Variants in GAD1 observed in about 807,000 individuals in gnomAD.
The protein encoded by GAD1 is 67 kDa glutamic acid decarboxylase.
In GAD1, 35 loss-of-function variants were observed where a neutral mutation model predicts 75.2. The ratio of observed to expected loss-of-function variants is 0.47; its 90% CI spans 0.36 to 0.62. The LOEUF is 0.62. Among genes scored for constraint, GAD1 ranks in the 20% least tolerant of loss-of-function variants. The pLI is 0.00. For synonymous variants in GAD1, 257 were observed against 271.9 expected, an observed-to-expected ratio of 0.95 and a Z score of 0.54; for missense variants, 490 against 758.5, an observed-to-expected ratio of 0.65 and a Z score of 4.16.
chr2:170,828,287 G>GCTT (rs1559271964), intron 3 of GAD1, among the ~76,000 whole-genome samples: 1 of 107,810 alleles, frequency 9.3e-6, no homozygotes, highest in East Asian at 2.9e-4. Context: ...TCCCTCTGCT[G>GCTT]TCCTCACCCT....
At chr2:170,828,179 CTCTCTGCTGTCCTCA>C (rs1702079418) in intron 3 of GAD1, among the ~76,000 whole-genome samples, 1 of 77,792 alleles carries the variant, frequency 1.3e-5, no homozygotes, top group Non-Finnish European at 3.2e-5. Context: ...TCGCCCTCCT[CTCTCTGCTGTCCTCA>C]CCTCTCCTCT....
chr2:170,834,590 T>G (rs1046702547), intron 5 of GAD1, among the ~76,000 whole-genome samples: 1 of 152,190 alleles, frequency 6.6e-6, no homozygotes, highest in Non-Finnish European at 1.5e-5. Context: ...TTTTAAAACT[T>G]TTTCTTATGG....
chr2:170,844,241 C>A (rs756348605), intron 7 of GAD1, 84 bp downstream of exon 7: 2 of 820,860 alleles, frequency 2.4e-6, no homozygotes, highest in African/African-American at 1.7e-5. Flanking sequence ...AAGAATAATG[C>A]CTTAACATTT....
At chr2:170,844,255 T>C in intron 7 of GAD1, 98 bp downstream of exon 7, 2 of 760,952 alleles carry the variant, frequency 2.6e-6, no homozygotes, top group Non-Finnish European at 4.7e-6. Context: ...AACATTTTTT[T>C]TGGATACCCT....
rs1701762122 is a variant in GAD1, at chr2:170,818,191, C to A, written c.-63-338C>A. On this transcript the variant is annotated intron_variant, in intron 1 of 16. Transcript: ENST00000358196. This position sits in a 1 kb window ranked among gnomAD's most constrained non-coding sequence, Gnocchi z 5.9. ...GCTCCCCTGTGCTCCTAGCCTAGTC[C>A]CCCACACCCTTGCGTCTTGTACTGG... The A allele has an allele frequency of 7.7e-6, 2 of 260,000 alleles. No homozygotes were observed. Among genetic ancestry groups the A allele is most frequent in the Non-Finnish European group, 1.5e-5 (2 of 131,968 alleles). The allele number at this position is 260,000 out of a possible 1,614,324, so 16.1% of individuals were successfully genotyped here.
chr2:170,831,251 C>T (rs1452594146), intron 5 of GAD1, 59 bp downstream of exon 5: 4 of 1,581,860 alleles, frequency 2.5e-6, no homozygotes, highest in Non-Finnish European at 3.5e-6. Context: ...CTCACCCTTG[C>T]CAGTTGTGAG....
chr2:170,841,965 A>C (rs1181015072), intron 6 of GAD1, among the ~76,000 whole-genome samples: 1 of 152,232 alleles, frequency 6.6e-6, no homozygotes, highest in Non-Finnish European at 1.5e-5. Context: ...GGCAGAGAAT[A>C]GCCACTCAGT....
chr2:170,858,455 A>G (rs1201095160), intron 15 of GAD1, among the ~76,000 whole-genome samples: 1 of 152,246 alleles, frequency 6.6e-6, no homozygotes. Flanking sequence ...TCCATAAACT[A>G]TGTTTCAATT....
chr2:170,829,153 AT>A (rs1702152444), intron 3 of GAD1: 3 of 403,478 alleles, frequency 7.4e-6, no homozygotes, highest in Non-Finnish European at 1.4e-5. Context: ...TTAAAGCCCT[AT>A]CCTGGGGCTG....
chr2:170,849,690 T>TATCAATCA (rs769413776), intron 12 of GAD1, among the ~76,000 whole-genome samples: 1 of 152,116 alleles, frequency 6.6e-6, no homozygotes, highest in Non-Finnish European at 1.5e-5. Context: ...CTCTAATAGC[T>TATCAATCA]ATCAATCAAT....
intron 3 of GAD1, among the ~76,000 whole-genome samples, chr2:170,827,902 G>A (rs921181843): frequency 4.6e-5 from 7 of 152,106 alleles, no homozygotes; most frequent in African/African-American, 7.2e-5. Flanking sequence ...TCAAGGAGAG[G>A]GGGTGGTGCA....
In GAD1 at chr2:170,853,821, C is replaced by T. The variant is rs1575446060; in HGVS notation, c.1264-52C>T. ...CCAAGCAGCCTAGTTTTAAAGCCAC[C>T]CACATCTCTGATGTGTAAATGCAGA... On this transcript the variant is annotated intron_variant, in intron 13 of 16. Transcript: ENST00000358196. The surrounding 1 kb of genome is among the most constrained non-coding windows in gnomAD (Gnocchi z 4.1). 3.8e-6 allele frequency: 6 copies of T among 1,595,244 alleles called. No individual in the cohort carries two copies. The East Asian group carries it at 1.3e-4, about 36-fold the overall frequency.
intron 6 of GAD1, among the ~76,000 whole-genome samples, chr2:170,840,018 C>T (rs950922811): frequency 2.0e-4 from 30 of 152,274 alleles, no homozygotes; most frequent in African/African-American, 7.2e-4. Flanking sequence ...GTAAGCAGTT[C>T]TCGTTTGTCA....
At chr2:170,852,680 T>G in intron 12 of GAD1, 34 bp from the exon 13 acceptor site, 1 of 1,591,614 alleles carries the variant, frequency 6.3e-7, no homozygotes, top group Non-Finnish European at 8.6e-7. Flanking sequence ...TTCCAACTCC[T>G]GCACCTTCTC....
chr2:170,844,407 CTTT>C (rs11327360), intron 7 of GAD1, among the ~76,000 whole-genome samples: 9 of 124,458 alleles, frequency 7.2e-5, no homozygotes, highest in East Asian at 2.3e-4. Flanking sequence ...TTTCTTTTTT[CTTT>C]TTTTTTTTTT....
intron 2 of GAD1, among the ~76,000 whole-genome samples, chr2:170,820,852 C>T (rs774707379): frequency 6.6e-6 from 1 of 152,234 alleles, no homozygotes; most frequent in Non-Finnish European, 1.5e-5. Flanking sequence ...TAGATCAACA[C>T]TCCTGCCAGT....
intron 7 of GAD1, among the ~76,000 whole-genome samples, chr2:170,845,093 CTCTT>C (rs1193603377): frequency 6.6e-6 from 1 of 152,208 alleles, no homozygotes; most frequent in Non-Finnish European, 1.5e-5. Flanking sequence ...AGCTCCGTTA[CTCTT>C]TCTTTCTCTG....
chr2:170,853,813 A>G lies in GAD1; in HGVS notation c.1264-60A>G. ...CCCTCCTTCCAAGCAGCCTAGTTTT[A>G]AAGCCACCCACATCTCTGATGTGTA... On this transcript the variant is annotated intron_variant, in intron 13 of 16. Transcript: ENST00000358196. The surrounding 1 kb of genome is among the most constrained non-coding windows in gnomAD (Gnocchi z 4.1). The G allele has an allele frequency of 6.3e-7, 1 of 1,589,640 alleles. No homozygotes were observed. Among genetic ancestry groups the G allele is most frequent in the Non-Finnish European group, 8.6e-7 (1 of 1,158,298 alleles).
intron 14 of GAD1, among the ~76,000 whole-genome samples, chr2:170,854,637 C>T (rs1702813493): frequency 6.6e-6 from 1 of 152,162 alleles, no homozygotes; most frequent in African/African-American, 2.4e-5. Context: ...AGTCTCCTGA[C>T]CTCATGATCC....
Sources: allele counts gnomAD v4.1 joint callset (sites outside exome capture counted in the v4.1 genomes callset), GRCh38; gene constraint gnomAD v4.1.1; non-coding constraint Gnocchi (gnomAD v3.1); transcripts MANE v1.5; gene names NCBI Gene and HGNC (gene_info 2026-07-23, HGNC 2026-07-21).